Variants in ANAPC1 observed in about 807,000 individuals in gnomAD.
ANAPC1 encodes the protein anaphase-promoting complex subunit 1.
ANAPC1 carries 36 observed loss-of-function variants against 208.0 expected under a neutral mutation model. The observed-to-expected ratio is 0.17, with a 90% CI of 0.13 to 0.23. ANAPC1 has a LOEUF of 0.23. Ranked by LOEUF, ANAPC1 falls within the 10% of genes least tolerant of loss-of-function variation. The pLI, the probability that ANAPC1 is intolerant of heterozygous loss-of-function variation, is 1.00. For missense variants in ANAPC1, 942 were observed against 2,011.6 expected (o/e 0.47, Z 10.17); for synonymous variants, 378 against 695.2 (o/e 0.54, Z 7.18).
chr2:111,818,564 CAAT>C (rs571079168), intron 27 of ANAPC1, among the ~76,000 whole-genome samples: 134 of 151,768 alleles, frequency 8.8e-4, no homozygotes, highest in African/African-American at 3.0e-3. Flanking sequence ...TCATCGTTAT[CAAT>C]AATATCTTTC....
intron 24 of ANAPC1, among the ~76,000 whole-genome samples, chr2:111,824,487 A>G (rs530916453): frequency 3.3e-5 from 5 of 152,272 alleles, no homozygotes; most frequent in Admixed American, 3.3e-4. Context: ...TAGGGAATAT[A>G]GAACTCTTTT....
At chr2:111,845,106 C>T (rs1301905581) in intron 16 of ANAPC1, among the ~76,000 whole-genome samples, 2 of 152,228 alleles carry the variant, frequency 1.3e-5, no homozygotes, top group Non-Finnish European at 2.9e-5. Context: ...CCTCAGCCTT[C>T]CAAAGGGAGG....
chr2:111,816,348 T>C (rs1450771953), intron 27 of ANAPC1, among the ~76,000 whole-genome samples: 3 of 151,348 alleles, frequency 2.0e-5, no homozygotes, highest in African/African-American at 7.3e-5. Context: ...TCTCTCTTTT[T>C]TTCTCTCTCT....
intron 35 of ANAPC1, among the ~76,000 whole-genome samples, chr2:111,794,617 T>C (rs1678061814): frequency 6.6e-6 from 1 of 152,218 alleles, no homozygotes; most frequent in African/African-American, 2.4e-5. Context: ...AAGTTAAATC[T>C]CCAATATTGC....
intron 46 of ANAPC1, among the ~76,000 whole-genome samples, chr2:111,772,724 G>T (rs1180650507): frequency 1.3e-5 from 2 of 152,140 alleles, no homozygotes; most frequent in African/African-American, 4.8e-5. Flanking sequence ...TACAAATTGT[G>T]AGGAGTGCTA....
intron 47 of ANAPC1, among the ~76,000 whole-genome samples, chr2:111,771,897 G>A (rs1489829820): frequency 6.6e-6 from 1 of 151,052 alleles, no homozygotes; most frequent in Non-Finnish European, 1.5e-5. Context: ...ATACAATCAG[G>A]TGATAATACT....
At chr2:111,867,569 G>A (rs1039464589) in intron 7 of ANAPC1, among the ~76,000 whole-genome samples, 8 of 151,574 alleles carry the variant, frequency 5.3e-5, no homozygotes, top group Admixed American at 5.3e-4. Context: ...GCGTGTGCCT[G>A]TAATCCCAGC....
chr2:111,860,950 C>T (rs3845222), intron 10 of ANAPC1, among the ~76,000 whole-genome samples: 3,301 of 152,288 alleles, frequency 0.022, 111 homozygotes, highest in African/African-American at 0.074. Context: ...CAATCACCAC[C>T]TATAAGCTGA....
At position 111,863,887 on chromosome 2, in the gene ANAPC1, A is replaced by T. The variant is rs1686493733; in HGVS notation, c.840T>A (p.Asn280Lys). Residue 280 changes from asparagine (N) to lysine (K), a missense_variant, in exon 9 of 48, where the codon AAT (asparagine) becomes AAA (lysine). Physicochemically the swap from Asn to Lys is moderately conservative, Grantham distance 94 (BLOSUM62 0). Transcript: ENST00000341068. ...CCTGTTCAGAGAACTTTAAAACAACATTCTCTTCCTTAAGTCAAAATAAAG... is the reference window on the plus strand; with the variant it reads ...CCTGTTCAGAGAACTTTAAAACAACTTTCTCTTCCTTAAGTCAAAATAAAG... ...TLRRVKSEEE[N>K]VVLKFSEQGG... 1.9e-6 allele frequency: 3 copies of T among 1,601,646 alleles called. No homozygotes were observed. Among genetic ancestry groups the T allele is most frequent in the Admixed American group, 1.8e-5 (1 of 56,640 alleles).
chr2:111,879,682 C>A (rs1683197310), intron 2 of ANAPC1, among the ~76,000 whole-genome samples: 2 of 151,880 alleles, frequency 1.3e-5, no homozygotes, highest in South Asian at 4.2e-4. Flanking sequence ...ACTAGCCTGA[C>A]CAACATGGAG....
chr2:111,877,247 T>C (rs1683068859), intron 3 of ANAPC1, among the ~76,000 whole-genome samples: 1 of 88,262 alleles, frequency 1.1e-5, no homozygotes, highest in African/African-American at 3.2e-5. Flanking sequence ...AAATATCTTT[T>C]TAGCTAGAAA....
At chr2:111,846,444 AC>A (rs1463860994) in intron 16 of ANAPC1, among the ~76,000 whole-genome samples, 1 of 149,326 alleles carries the variant, frequency 6.7e-6, no homozygotes, top group South Asian at 2.1e-4. Context: ...AGAAAAAAAA[AC>A]ATTAAATATG....
At position 111,861,355 on chromosome 2, in the gene ANAPC1, G is replaced by A. The variant is rs182823436; in HGVS notation, c.1262+1034C>T. The stretch of plus-strand genomic sequence containing the variant: ...CCTCCCAAAGTGAGTGATTACAGGT[G>A]TGAGCCACTGCGCCTAGGAAGCCTC... On this transcript the variant is annotated intron_variant, in intron 10 of 47. Coordinates refer to ENST00000341068, the MANE Select transcript of ANAPC1 (RefSeq NM_022662.4). 4.4e-3 allele frequency among the ~76,000 whole-genome samples: 664 copies of A among 152,304 alleles called. 4 individuals are homozygous for A. The highest frequency in any genetic ancestry group is 0.013 in the African/African-American group (521 of 41,552).
At chr2:111,816,902 T>C (rs1679266117) in intron 27 of ANAPC1, among the ~76,000 whole-genome samples, 1 of 91,144 alleles carries the variant, frequency 1.1e-5, no homozygotes, top group African/African-American at 4.3e-5. Context: ...CAATGAGTAA[T>C]AAGTTCATAA....
intron 47 of ANAPC1, among the ~76,000 whole-genome samples, chr2:111,771,608 A>G (rs1200083037): frequency 2.7e-5 from 4 of 149,518 alleles, no homozygotes; most frequent in Admixed American, 1.3e-4. Context: ...TAGCTTTTAT[A>G]TTTGTTTTTG....
chr2:111,783,258 C>A (rs1047837216), intron 42 of ANAPC1, among the ~76,000 whole-genome samples: 4 of 152,200 alleles, frequency 2.6e-5, no homozygotes, highest in African/African-American at 4.8e-5. Context: ...TGTGTCCCCA[C>A]CCAAATCTCA....
At chr2:111,792,093 CA>C (rs1677907786) in intron 38 of ANAPC1, among the ~76,000 whole-genome samples, 1 of 151,988 alleles carries the variant, frequency 6.6e-6, no homozygotes, top group African/African-American at 2.4e-5. Context: ...CAGGTGGGCA[CA>C]AGCAGTGATG....
At chr2:111,861,554 C>A (rs1454164524) in intron 10 of ANAPC1, among the ~76,000 whole-genome samples, 2 of 147,688 alleles carry the variant, frequency 1.4e-5, no homozygotes, top group African/African-American at 5.0e-5. Context: ...GCCCTACCAG[C>A]AAAAGTAGTC....
Position 111,878,952 on chromosome 2 carries a change from T to C in ANAPC1, c.233A>G (p.Lys78Arg), listed in dbSNP as rs1326989014. ...EKQKESWQLRKGVSEIGEDVD... is the reference protein window; with the variant it reads ...EKQKESWQLRRGVSEIGEDVD... ...ATCTTCTCCAATTTCACTTACTCCT[T>C]TCCTTAACTGCCAGCTTTCCTTAAA... The change falls in exon 3 of 48, where the codon AAA becomes AGA. Residue 78 changes from lysine (K) to arginine (R), a missense_variant. Lys to Arg is a conservative substitution (Grantham distance 26, BLOSUM62 2). Coordinates refer to ENST00000341068, the MANE Select transcript of ANAPC1 (RefSeq NM_022662.4). The C allele has an allele frequency of 3.2e-6, 5 of 1,585,376 alleles. No individual in the cohort carries two copies. Among genetic ancestry groups the C allele is most frequent in the South Asian group, 1.2e-5 (1 of 85,992 alleles).
Sources: allele counts gnomAD v4.1 joint callset (sites outside exome capture counted in the v4.1 genomes callset), GRCh38; gene constraint gnomAD v4.1.1; transcripts MANE v1.5; gene names NCBI Gene and HGNC (gene_info 2026-07-23, HGNC 2026-07-21).